GJC1: variants seen among roughly 807,000 people sequenced by gnomAD.
GJC1 encodes the protein gap junction gamma-1 protein.
GJC1 carries 5 observed loss-of-function variants against 29.3 expected under a neutral mutation model. That is an observed-to-expected ratio of 0.17 (90% CI 0.09 to 0.36). The LOEUF (loss-of-function observed/expected upper bound fraction) is 0.36. Ranked by LOEUF, GJC1 falls within the 10% of genes least tolerant of loss-of-function variation. GJC1 has a pLI of 1.00. For missense variants in GJC1, 310 were observed against 496.2 expected (o/e 0.62, Z 3.56); for synonymous variants, 177 against 183.3 (o/e 0.97, Z 0.28).
At chr17:44,814,174 TC>T (rs2050015528) in intron 1 of GJC1, among the ~76,000 whole-genome samples, 1 of 152,110 alleles carries the variant, frequency 6.6e-6, no homozygotes, top group Non-Finnish European at 1.5e-5. Context: ...AGAGTCTTGC[TC>T]CGTCGCCCAG....
upstream of GJC1, chr17:44,830,511 C>T: frequency 2.5e-6 from 1 of 396,240 alleles, no homozygotes; most frequent in Non-Finnish European, 4.4e-6. This position sits in a 1 kb window ranked among gnomAD's most constrained non-coding sequence, Gnocchi z 4.3. Flanking sequence ...GGAGTCTGGA[C>T]CCCGGGTGGG....
upstream of GJC1, chr17:44,830,344 G>T (rs1261379538): frequency 1.1e-5 from 2 of 174,684 alleles, no homozygotes; most frequent in Non-Finnish European, 2.4e-5. This position sits in a 1 kb window ranked among gnomAD's most constrained non-coding sequence, Gnocchi z 4.3. Flanking sequence ...GCCCGGGAGC[G>T]GGGGGCGCGC....
At chr17:44,822,643 CA>C (rs11423012) in intron 1 of GJC1, among the ~76,000 whole-genome samples, 28,236 of 78,888 alleles carry the variant, frequency 0.36, 2,517 homozygotes, top group Middle Eastern at 0.55. Context: ...AACTCCATCT[CA>C]AAAAAAAAAA....
At chr17:44,818,028 C>T (rs1464324406) in intron 1 of GJC1, among the ~76,000 whole-genome samples, 2 of 151,944 alleles carry the variant, frequency 1.3e-5, no homozygotes, top group African/African-American at 4.8e-5. Context: ...GCCTGGCCAC[C>T]ATGGTGAAAC....
intron 2 of GJC1, among the ~76,000 whole-genome samples, chr17:44,806,071 A>G (rs1016089774): frequency 6.6e-6 from 1 of 152,060 alleles, no homozygotes; most frequent in East Asian, 1.9e-4. Context: ...GTCAGGAGTT[A>G]AAGACCAGCC....
chr17:44,796,006 C>A (rs530335799), downstream of GJC1, among the ~76,000 whole-genome samples: 1 of 152,306 alleles, frequency 6.6e-6, no homozygotes, highest in South Asian at 2.1e-4. Context: ...GCGGCCCGGG[C>A]TCTCCTCTGA....
chr17:44,824,110 C>A (rs1007807102), intron 1 of GJC1, among the ~76,000 whole-genome samples: 2 of 152,060 alleles, frequency 1.3e-5, no homozygotes, highest in Admixed American at 6.6e-5. Context: ...CGGGTTCAAG[C>A]GATTCCCCTG....
At chr17:44,811,421 CTT>C (rs2049980560) in intron 1 of GJC1, among the ~76,000 whole-genome samples, 1 of 143,920 alleles carries the variant, frequency 6.9e-6, no homozygotes, top group Non-Finnish European at 1.5e-5. Context: ...CAAAGTCTCT[CTT>C]TGTTATCCAG....
At chr17:44,816,007 G>A (rs1175550957) in intron 1 of GJC1, among the ~76,000 whole-genome samples, 1 of 150,906 alleles carries the variant, frequency 6.6e-6, no homozygotes, top group South Asian at 2.1e-4. Flanking sequence ...CAGCTACTCG[G>A]GAGGCTGAGG....
Position 44,799,172 on chromosome 17 carries a change from T to C in GJC1, c.*5455A>G, listed in dbSNP as rs1342613181. The C allele has an allele frequency of 1.3e-5, 2 of 152,020 alleles. No individual in the cohort carries two copies. Among genetic ancestry groups the C allele is most frequent in the Non-Finnish European group, 2.9e-5 (2 of 68,062 alleles). 9.4% of individuals were successfully genotyped at this position (152,020 alleles called of 1,614,324 possible). ...AGCCACCACACCCAGCCAGAACTAT[T>C]ACTTCTTTTATCTCTGTAGAAACTG... On this transcript the variant is annotated 3_prime_UTR_variant, in exon 3 of 3. Coordinates refer to ENST00000592524, the MANE Select transcript of GJC1 (RefSeq NM_005497.4).
intron 1 of GJC1, among the ~76,000 whole-genome samples, chr17:44,810,829 A>G (rs557247164): frequency 3.6e-4 from 54 of 152,090 alleles, no homozygotes; most frequent in African/African-American, 1.2e-3. Flanking sequence ...ACTGGAGTGC[A>G]GTGGTGCAGA....
At chr17:44,797,955 C>T (rs1485074986), downstream of GJC1, among the ~76,000 whole-genome samples, 1 of 152,166 alleles carries the variant, frequency 6.6e-6, no homozygotes, top group Admixed American at 6.5e-5. Context: ...GAGGGCATTG[C>T]TGCTCCCTTC....
At chr17:44,797,558 C>G (rs1335215586), downstream of GJC1, 1 of 152,204 alleles carries the variant, frequency 6.6e-6, no homozygotes, top group African/African-American at 2.4e-5. Flanking sequence ...CTGGATTGTA[C>G]AGACCTGGAT....
chr17:44,805,529 G>A lies in GJC1; in HGVS notation c.289C>T (p.His97Tyr). The change falls in exon 3 of 3, where the codon CAC becomes TAC. Residue 97 changes from histidine to tyrosine, a missense_variant. His to Tyr is a moderately conservative substitution (Grantham distance 83). Coordinates refer to ENST00000592524, the MANE Select transcript of GJC1 (RefSeq NM_005497.4). The surrounding 1 kb of genome is among the most constrained non-coding windows in gnomAD (Gnocchi z 5.1). Reference protein sequence around the residue: ...PSVMYLGYAIHKIAKMEHGEA... With the variant: ...PSVMYLGYAIYKIAKMEHGEA... ...CCGTGCTCCATTTTGGCAATCTTGTGGATAGCATAGCCCAGGTACATCACA... is the reference window on the plus strand; with the variant it reads ...CCGTGCTCCATTTTGGCAATCTTGTAGATAGCATAGCCCAGGTACATCACA... 1 of 1,614,186 alleles carries A rather than the reference G, an allele frequency of 6.2e-7. No homozygotes were observed. Among genetic ancestry groups the A allele is most frequent in the Non-Finnish European group, 8.5e-7 (1 of 1,180,036 alleles).
At chr17:44,825,128 T>G (rs1364405188) in intron 1 of GJC1, among the ~76,000 whole-genome samples, 1 of 132,252 alleles carries the variant, frequency 7.6e-6, no homozygotes, top group Non-Finnish European at 1.5e-5. Flanking sequence ...GGTGGAAGGA[T>G]CGCTTGAGAG....
chr17:44,821,473 G>A (rs865854267), intron 1 of GJC1, among the ~76,000 whole-genome samples: 23 of 151,884 alleles, frequency 1.5e-4, no homozygotes, highest in Non-Finnish European at 2.2e-4. Flanking sequence ...TGAGGCAGGC[G>A]GATCACCTGA....
rs1401486743 is a variant in GJC1 at position 44,830,272 on chromosome 17, C to G, written c.-307G>C. The stretch of plus-strand genomic sequence containing the variant: ...CCGCCGCCTCCCGCTCCCGCCGCCG[C>G]GACCCGCGGGAAGGCGCCTGCGCAC... On this transcript the variant is annotated 5_prime_UTR_variant, in exon 1 of 3. Coordinates refer to ENST00000592524, the MANE Select transcript of GJC1 (RefSeq NM_005497.4). The surrounding 1 kb of genome is among the most constrained non-coding windows in gnomAD (Gnocchi z 4.3). 6.3e-6 allele frequency: 1 copy of G among 157,820 alleles called. No individual in the cohort carries two copies. Among genetic ancestry groups the G allele is most frequent in the Non-Finnish European group, 1.4e-5 (1 of 73,640 alleles). The allele number at this position is 157,820 out of a possible 1,614,324, so 9.8% of individuals were successfully genotyped here. A position where few individuals can be genotyped will look rare whatever the true frequency, so the allele number is the denominator to read the frequency against.
At chr17:44,806,819 G>T (rs944736356) in intron 2 of GJC1, among the ~76,000 whole-genome samples, 18 of 151,732 alleles carry the variant, frequency 1.2e-4, no homozygotes, top group African/African-American at 4.4e-4. Context: ...AACATAAAGG[G>T]GACACCTCGG....
intron 1 of GJC1, chr17:44,829,556 G>A (rs1177274853): frequency 6.6e-6 from 1 of 152,184 alleles, no homozygotes; most frequent in Non-Finnish European, 1.5e-5. Context: ...GGGGAGATGC[G>A]GGAAGCCTCA....
Sources: gnomAD v4.1 joint callset for allele counts (sites outside exome capture counted in the v4.1 genomes callset) on GRCh38, gnomAD v4.1.1 for gene constraint, Gnocchi (gnomAD v3.1) non-coding constraint, MANE v1.5 for transcripts, NCBI Gene and HGNC (gene_info 2026-07-23, HGNC 2026-07-21) for gene names.